The following RPSA variants were observed in gnomAD, a reference collection of about 807,000 sequenced individuals.
RPSA encodes the protein ribosomal protein SA.
For synonymous variants in RPSA, 103 were observed against 126.7 expected (o/e 0.81, Z 1.25); for missense variants, 140 against 372.8 (o/e 0.38, Z 5.14).
intron 2 of RPSA, chr3:39,408,006 T>C (rs899444357): frequency 3.9e-6 from 2 of 518,350 alleles, no homozygotes; most frequent in African/African-American, 3.9e-5. Context: ...GGGACTTGGG[T>C]TGGGTCATGA....
rs1319435717 is a variant in RPSA, at chr3:39,411,882, T to C, written c.628-14T>C. On this transcript the variant is annotated splice_polypyrimidine_tract_variant and intron_variant, in intron 5 of 6. Coordinates refer to ENST00000301821, the MANE Select transcript of RPSA (RefSeq NM_002295.6). ...GTCCCTGTAAGTCTTTCCTCTTTTT[T>C]TTTTGTAACCCAGATTGAAAAAGAA... The C allele has an allele frequency of 6.3e-7, 1 of 1,599,710 alleles. No individual in the cohort carries two copies. Among genetic ancestry groups the C allele is most frequent in the Non-Finnish European group, 8.5e-7 (1 of 1,179,946 alleles).
chr3:39,407,266 G>T (rs547905008), intron 1 of RPSA, among the ~76,000 whole-genome samples: 136 of 152,194 alleles, frequency 8.9e-4, no homozygotes, highest in Non-Finnish European at 1.6e-3. Flanking sequence ...AACAATTCAT[G>T]CCTTTTTTGC....
intron 6 of RPSA, 47 bp downstream of exon 6, chr3:39,412,108 T>C (rs758790461): frequency 2.2e-5 from 34 of 1,557,808 alleles, no homozygotes; most frequent in Non-Finnish European, 2.6e-5. Flanking sequence ...TTGCAACTTC[T>C]CAGTTTTATT....
intron 2 of RPSA, chr3:39,408,055 C>T (rs991017698): frequency 6.8e-6 from 3 of 441,248 alleles, no homozygotes; most frequent in African/African-American, 4.0e-5. Flanking sequence ...TAATAGCTCG[C>T]ATAGTGCCTT....
Position 39,406,773 on chromosome 3 carries a change from C to T in RPSA, c.-34+9C>T. 9.1e-6 allele frequency: 4 copies of T among 440,062 alleles called. No individual in the cohort carries two copies. In the Admixed American group the frequency reaches 9.9e-5, roughly 11 times the overall value. 27.3% of individuals were successfully genotyped at this position (440,062 alleles called of 1,614,324 possible). Reference sequence around the variant, plus strand: ...ATACGGCGTTGTTCTGGGTGAGTTCCGTGTAGCGTCCCTGGCGCCTTCCAG... The same window carrying T: ...ATACGGCGTTGTTCTGGGTGAGTTCTGTGTAGCGTCCCTGGCGCCTTCCAG... On this transcript the variant is annotated intron_variant, in intron 1 of 6. Transcript: ENST00000301821.
chr3:39,407,275 G>A (rs1463934910), intron 1 of RPSA, among the ~76,000 whole-genome samples: 1 of 151,980 alleles, frequency 6.6e-6, no homozygotes, highest in Non-Finnish European at 1.5e-5. Context: ...TGCCTTTTTT[G>A]CCTTTAGTTT....
Position 39,408,331 on chromosome 3 carries a change from T to C in RPSA, c.134-275T>C, listed in dbSNP as rs1651495769. ...CAGGAAGTGGATTATTAAGAACCAA[T>C]GATGGAATAAGTACAGGGAAAGAGA... is the stretch of plus-strand genomic sequence containing the variant. On this transcript the variant is annotated intron_variant, in intron 2 of 6. Transcript: ENST00000301821. 9.8e-6 allele frequency: 6 copies of C among 609,358 alleles called. No homozygotes were observed. The East Asian group carries it at 1.7e-4, about 17-fold the overall frequency. 37.7% of individuals were successfully genotyped at this position (609,358 alleles called of 1,614,324 possible).
At chr3:39,406,879 C>T (rs898446035) in intron 1 of RPSA, 115 bp downstream of exon 1, 2 of 456,326 alleles carry the variant, frequency 4.4e-6, no homozygotes, top group Non-Finnish European at 8.8e-6. Context: ...GATCTGTCTC[C>T]CGCCCGGCGC....
chr3:39,409,385 A>G (rs1048982898), intron 3 of RPSA, among the ~76,000 whole-genome samples: 16 of 151,922 alleles, frequency 1.1e-4, no homozygotes, highest in African/African-American at 3.6e-4. Flanking sequence ...TATTTTTAGT[A>G]GAGACATGGT....
At chr3:39,411,830 T>C (rs2042009701) in intron 5 of RPSA, 53 bp downstream of exon 5, 1 of 1,599,584 alleles carries the variant, frequency 6.3e-7, no homozygotes, top group East Asian at 2.2e-5. Context: ...CGACTTGGAC[T>C]GTGCTTCTAG....
At position 39,412,338 on chromosome 3, in the gene RPSA, A is replaced by G; in HGVS notation, c.858A>G (p.Glu286=). 1.3e-6 allele frequency: 2 copies of G among 1,583,638 alleles called. No individual in the cohort carries two copies. The highest frequency in any genetic ancestry group is 8.7e-7 in the Non-Finnish European group (1 of 1,154,404). Residue 286 remains glutamate (E), a synonymous_variant, in exon 7 of 7, where the codon GAA becomes GAG. Coordinates refer to ENST00000301821, the MANE Select transcript of RPSA (RefSeq NM_002295.6). Reference sequence around the variant, plus strand: ...CAGCTCCCACTGCTCAGGCCACTGAATGGGTAGGAGCAACCACTGACTGGT... The same window carrying G: ...CAGCTCCCACTGCTCAGGCCACTGAGTGGGTAGGAGCAACCACTGACTGGT... The part of the protein sequence containing the change: ...WSAAPTAQAT[E]WVGATTDWS
At chr3:39,407,812 T>A (rs756992880) in intron 2 of RPSA, 26 bp downstream of exon 2, 2 of 1,589,426 alleles carry the variant, frequency 1.3e-6, no homozygotes, top group Non-Finnish European at 1.7e-6. Flanking sequence ...AATTTTTTGT[T>A]ACTCCAGCTG....
In RPSA at chr3:39,412,242, G is replaced by A. The variant is rs181557821; in HGVS notation, c.794-32G>A. The A allele has an allele frequency of 4.4e-5, 67 of 1,539,718 alleles. No homozygotes were observed. The Admixed American group carries it at 9.5e-4, about 22-fold the overall frequency. ...GGAAAAATACTACATTGAGGACAGA[G>A]CTGATGGCTTTTTTTGGTATTCTCT... On this transcript the variant is annotated intron_variant, in intron 6 of 6. Coordinates refer to ENST00000301821, the MANE Select transcript of RPSA (RefSeq NM_002295.6).
At position 39,412,036 on chromosome 3, in the gene RPSA, T is replaced by C. The variant is rs769536955; in HGVS notation, c.768T>C (p.Ser256=). The part of the protein sequence containing the change: ...ADWSEGVQVP[S]VPIQQFPTED... ...GGTCTGAAGGTGTACAGGTGCCCTC[T>C]GTGCCTATTCAGCAATTCCCTACTG... The change falls in exon 6 of 7, where the codon TCT becomes TCC. Residue 256 remains serine (S), a synonymous_variant. Coordinates refer to ENST00000301821, the MANE Select transcript of RPSA (RefSeq NM_002295.6). 2.5e-6 allele frequency: 4 copies of C among 1,610,550 alleles called. No homozygotes were observed. In the South Asian group the frequency reaches 4.4e-5, roughly 18 times the overall value.
chr3:39,409,074 G>T, intron 3 of RPSA: 1 of 150,442 alleles, frequency 6.6e-6, no homozygotes, highest in Admixed American at 7.2e-5. Flanking sequence ...ACAGAGCCGA[G>T]ACTCTGTCTC....
intron 3 of RPSA, chr3:39,410,210 C>A: frequency 6.5e-6 from 1 of 153,832 alleles, no homozygotes; most frequent in Non-Finnish European, 1.4e-5. Flanking sequence ...ATCTTTTTTG[C>A]CACAGCTCTA....
chr3:39,406,822 G>A (rs1461880682), intron 1 of RPSA, 58 bp downstream of exon 1: 2 of 455,104 alleles, frequency 4.4e-6, no homozygotes, highest in African/African-American at 4.0e-5. Flanking sequence ...AGCTTTTCCT[G>A]CTCAAATGAA....
At chr3:39,408,762 T>G (rs1559398992) in intron 3 of RPSA, 38 bp downstream of exon 3, 5 of 1,104,794 alleles carry the variant, frequency 4.5e-6, no homozygotes, top group Non-Finnish European at 7.0e-6. Context: ...ATTATAGAAA[T>G]AAAGCTTACA....
chr3:39,409,090 A>G (rs190289467), intron 3 of RPSA: 4 of 128,070 alleles, frequency 3.1e-5, no homozygotes, highest in Middle Eastern at 3.4e-3. Context: ...GTCTCAAAAA[A>G]AAAAAAAAAG....
Sources: gnomAD v4.1 joint callset for allele counts (sites outside exome capture counted in the v4.1 genomes callset) on GRCh38, gnomAD v4.1.1 for gene constraint, MANE v1.5 for transcripts, NCBI Gene and HGNC (gene_info 2026-07-23, HGNC 2026-07-21) for gene names.